LILRB4: variants seen among roughly 807,000 people sequenced by gnomAD.
The protein encoded by LILRB4 is leukocyte immunoglobulin-like receptor subfamily B member 4.
Under a neutral mutation model 55.2 loss-of-function variants are expected in LILRB4, and 49 were observed. That is an observed-to-expected ratio of 0.89 (90% confidence interval 0.71 to 1.13). LILRB4 has a LOEUF of 1.13. Among genes scored for constraint, LILRB4 ranks in the 50% most tolerant of loss-of-function variants. The pLI, the probability that LILRB4 is intolerant of heterozygous loss-of-function variation, is 0.00. For missense variants in LILRB4, 590 were observed against 555.2 expected (o/e 1.06, Z -0.63); for synonymous variants, 229 against 213.8 (o/e 1.07, Z -0.62).
exon 3 of LILRB4, chr19:54,663,957 T>C: frequency 1.2e-6 from 2 of 1,614,066 alleles, no homozygotes; most frequent in Non-Finnish European, 1.7e-6. Flanking sequence ...GACAGAGGAC[T>C]ATGCAGGGAG....
In LILRB4 at chr19:54,665,760, A is replaced by G; in HGVS notation, c.758-55A>G. 6 of 1,553,038 alleles carry G rather than the reference A, an allele frequency of 3.9e-6. No individual in the cohort carries two copies. Among genetic ancestry groups the G allele is most frequent in the Non-Finnish European group, 5.2e-6 (6 of 1,145,990 alleles). On this transcript the variant is annotated intron_variant, in intron 6 of 11. Transcript: ENST00000430952. This position sits in a 1 kb window ranked among gnomAD's most constrained non-coding sequence, Gnocchi z 5.5. ...CAGCACACACAGTAGGTGCACACACAGTAGGTGTGCACATCAATGACATCA... is the reference window on the plus strand; with the variant it reads ...CAGCACACACAGTAGGTGCACACACGGTAGGTGTGCACATCAATGACATCA...
rs2065277426 is a variant in LILRB4, at chr19:54,666,629, G to A, written c.989-68G>A. On this transcript the variant is annotated intron_variant, in intron 9 of 11. Transcript: ENST00000430952. The surrounding 1 kb of genome is among the most constrained non-coding windows in gnomAD (Gnocchi z 4.8). ...AGTGGCACTAATGGGAACAGGGCAG[G>A]GACCAGCAGGAATGAGAGGTCCCAG... is the stretch of plus-strand genomic sequence containing the variant. 5.8e-6 allele frequency: 9 copies of A among 1,547,710 alleles called. No homozygotes were observed. The highest frequency in any genetic ancestry group is 2.7e-5 in the African/African-American group (2 of 73,630).
chr19:54,663,941 A>T lies in LILRB4; in HGVS notation c.258A>T (p.Pro86=), dbSNP rs370654051. 1.9e-5 allele frequency: 31 copies of T among 1,614,126 alleles called. No homozygotes were observed. In the East Asian group the frequency reaches 6.7e-4, roughly 35 times the overall value. ...AGAACAAGGCCAGATTCTCCATCCC[A>T]TCCATGACAGAGGACTATGCAGGGA... The change falls in exon 3 of 12, where the codon CCA becomes CCT. Residue 86 remains proline (P), a synonymous_variant. Transcript: ENST00000430952.
intron 1 of LILRB4, 83 bp from the exon 2 acceptor site, chr19:54,663,449 A>AAAAAAAAAAAAAAAAAC (rs2065103981): frequency 7.1e-7 from 1 of 1,408,596 alleles, no homozygotes; most frequent in Non-Finnish European, 9.5e-7. Context: ...GTCTCAAAAA[A>AAAAAAAAAAAAAAAAAC]AAAAAAAAAA....
intron 1 of LILRB4, 106 bp downstream of exon 1, chr19:54,663,173 G>A (rs945003163): frequency 2.5e-5 from 34 of 1,341,380 alleles, no homozygotes; most frequent in Middle Eastern, 2.4e-4. Flanking sequence ...GTAGCCGGGC[G>A]CGGTGGCTCA....
chr19:54,666,229 T>A lies in LILRB4; in HGVS notation c.875-11T>A. On this transcript the variant is annotated splice_polypyrimidine_tract_variant and intron_variant, in intron 7 of 11. Transcript: ENST00000430952. The surrounding 1 kb of genome is among the most constrained non-coding windows in gnomAD (Gnocchi z 4.8). ...GTTCCCAGAGCTGAGACTCTGTCCA[T>A]CTTCCCCCAGCCCAGAGACAGGCTG... 6.3e-7 allele frequency: 1 copy of A among 1,581,410 alleles called. No individual in the cohort carries two copies. The highest frequency in any genetic ancestry group is 8.6e-7 in the Non-Finnish European group (1 of 1,165,448).
rs556924012 is a variant in LILRB4 at position 54,666,527 on chromosome 19, G to T, written c.988+91G>T. The T allele has an allele frequency of 3.0e-5, 46 of 1,519,896 alleles. No homozygotes were observed. Among genetic ancestry groups the T allele is most frequent in the Non-Finnish European group, 4.0e-5 (44 of 1,104,430 alleles). The allele number at this position is 1,519,896 out of a possible 1,614,324, so 94.2% of individuals were successfully genotyped here. ...GGGGGCAGGAGCACAGGCTAGGATT[G>T]GTCAGGGACTCAGGGAGAAGTGGTC... On this transcript the variant is annotated intron_variant, in intron 9 of 11. Transcript: ENST00000430952. This position sits in a 1 kb window ranked among gnomAD's most constrained non-coding sequence, Gnocchi z 4.8.
At position 54,666,396 on chromosome 19, in the gene LILRB4, C is replaced by T. The variant is rs375400015; in HGVS notation, c.951-3C>T. 1.2e-6 allele frequency: 2 copies of T among 1,614,000 alleles called. No individual in the cohort carries two copies. The highest frequency in any genetic ancestry group is 2.7e-5 in the African/African-American group (2 of 74,946). ...CCCCTTACACTCCCGTATCCTCCCC[C>T]AGGTCCAGCCCAGCTGCTGACGTCC... On this transcript the variant is annotated splice_polypyrimidine_tract_variant and splice_region_variant and intron_variant, in intron 8 of 11. Coordinates refer to ENST00000430952, the Ensembl canonical transcript of LILRB4. This position sits in a 1 kb window ranked among gnomAD's most constrained non-coding sequence, Gnocchi z 4.8.
chr19:54,666,251 G>C lies in LILRB4; in HGVS notation c.886G>C (p.Ala296Pro), dbSNP rs757247970. Residue 296 changes from alanine (A) to proline (P), a missense_variant, in exon 8 of 12, where the codon GCT becomes CCT. Ala to Pro is a conservative substitution (Grantham distance 27). Coordinates refer to ENST00000430952, the Ensembl canonical transcript of LILRB4. The surrounding 1 kb of genome is among the most constrained non-coding windows in gnomAD (Gnocchi z 4.8). ...CCATCTTCCCCCAGCCCAGAGACAG[G>C]CTGATTTCCAACGTCCTCCAGGGGC... is the stretch of plus-strand genomic sequence containing the variant. The C allele has an allele frequency of 6.2e-7, 1 of 1,603,730 alleles. No homozygotes were observed. Among genetic ancestry groups the C allele is most frequent in the Non-Finnish European group, 8.5e-7 (1 of 1,174,724 alleles).
At position 54,663,740 on chromosome 19, in the gene LILRB4, T is replaced by C. The variant is rs372798817; in HGVS notation, c.71-14T>C. 7 of 1,613,488 alleles carry C rather than the reference T, an allele frequency of 4.3e-6. No homozygotes were observed. Among genetic ancestry groups the C allele is most frequent in the African/African-American group, 2.7e-5 (2 of 74,884 alleles). ...GAGGAAGGTCTTGGGATCCAGCCTCTGATTTTCTTCCAGGGCCCCTCCCCA... is the reference window on the plus strand; with the variant it reads ...GAGGAAGGTCTTGGGATCCAGCCTCCGATTTTCTTCCAGGGCCCCTCCCCA... On this transcript the variant is annotated splice_polypyrimidine_tract_variant and intron_variant, in intron 2 of 11. Transcript: ENST00000430952.
exon 3 of LILRB4, chr19:54,664,004 A>G: frequency 6.2e-7 from 1 of 1,614,126 alleles, no homozygotes; most frequent in South Asian, 1.1e-5. Flanking sequence ...TAGGCTGGTC[A>G]CAGCCCAGTG....
Position 54,666,188 on chromosome 19 carries a change from G to A in LILRB4, c.875-52G>A. 2.7e-6 allele frequency: 4 copies of A among 1,500,940 alleles called. No homozygotes were observed. Among genetic ancestry groups the A allele is most frequent in the Non-Finnish European group, 3.6e-6 (4 of 1,113,032 alleles). The allele number at this position is 1,500,940 out of a possible 1,614,324, so 93.0% of individuals were successfully genotyped here. ...CTTTCCTCTTGACTTGCATGTGCAA[G>A]GCAGGTGGTTCTAACGTTCCCAGAG... On this transcript the variant is annotated intron_variant, in intron 7 of 11. Transcript: ENST00000430952. The surrounding 1 kb of genome is among the most constrained non-coding windows in gnomAD (Gnocchi z 4.8).
In LILRB4 at chr19:54,666,511, A is replaced by G. The variant is rs887502110; in HGVS notation, c.988+75A>G. ...AAATTTCAATAGCAATGGGGGCAGG[A>G]GCACAGGCTAGGATTGGTCAGGGAC... On this transcript the variant is annotated intron_variant, in intron 9 of 11. Coordinates refer to ENST00000430952, the Ensembl canonical transcript of LILRB4. This position sits in a 1 kb window ranked among gnomAD's most constrained non-coding sequence, Gnocchi z 4.8. 12 of 1,556,698 alleles carry G rather than the reference A, an allele frequency of 7.7e-6. No homozygotes were observed. Among genetic ancestry groups the G allele is most frequent in the South Asian group, 1.1e-5 (1 of 87,340 alleles).
Position 54,665,225 on chromosome 19 carries a change from G to T in LILRB4, c.757+45G>T. 6.5e-7 allele frequency: 1 copy of T among 1,550,186 alleles called. No individual in the cohort carries two copies. Among genetic ancestry groups the T allele is most frequent in the Non-Finnish European group, 8.7e-7 (1 of 1,143,204 alleles). ...TGGGAGGTGGGCAGGGTCTAGGGGA[G>T]CCAAGGGTGGGTTCTGTCCTAGGTT... is the stretch of plus-strand genomic sequence containing the variant. On this transcript the variant is annotated intron_variant, in intron 6 of 11. Coordinates refer to ENST00000430952, the Ensembl canonical transcript of LILRB4. This position sits in a 1 kb window ranked among gnomAD's most constrained non-coding sequence, Gnocchi z 5.5.
At chr19:54,664,325 G>A (rs2065165288) in exon 4 of LILRB4, 1 of 1,614,108 alleles carries the variant, frequency 6.2e-7, no homozygotes, top group African/African-American at 1.3e-5. Context: ...ATCCCCTACT[G>A]CATCTGAGAT....
rs1488154407 is a variant in LILRB4, at chr19:54,665,430, C to T, written c.757+250C>T. Among the ~76,000 whole-genome samples the T allele has an allele frequency of 6.6e-6, 1 of 152,000 alleles. No individual in the cohort carries two copies. Among genetic ancestry groups the T allele is most frequent in the African/African-American group, 2.4e-5 (1 of 41,390 alleles). On this transcript the variant is annotated intron_variant, in intron 6 of 11. Transcript: ENST00000430952. The surrounding 1 kb of genome is among the most constrained non-coding windows in gnomAD (Gnocchi z 5.5). The stretch of plus-strand genomic sequence containing the variant: ...CCTCCCAGACCCGATTCCGCAGGGG[C>T]CTGTCCGGTCCCACCTGCAGCAGAG...
At chr19:54,667,352 C>G (rs1229816961) in intron 10 of LILRB4, 3 of 624,064 alleles carry the variant, frequency 4.8e-6, no homozygotes, top group East Asian at 5.9e-5. Context: ...CTCTAATGGA[C>G]GAGCCCCTGC....
chr19:54,666,445 G>C lies in LILRB4; in HGVS notation c.988+9G>C. ...CCAGGGAGAAAACTTCTGTGAGTGA[G>C]AGGCAGAGAAGGTGCACCTGGGGTG... On this transcript the variant is annotated intron_variant, in intron 9 of 11. Transcript: ENST00000430952. This position sits in a 1 kb window ranked among gnomAD's most constrained non-coding sequence, Gnocchi z 4.8. The C allele has an allele frequency of 6.2e-7, 1 of 1,614,144 alleles. No homozygotes were observed. Among genetic ancestry groups the C allele is most frequent in the Non-Finnish European group, 8.5e-7 (1 of 1,179,968 alleles).
In LILRB4 at chr19:54,666,331, G is replaced by T; in HGVS notation, c.950+16G>T. On this transcript the variant is annotated intron_variant, in intron 8 of 11. Transcript: ENST00000430952. The surrounding 1 kb of genome is among the most constrained non-coding windows in gnomAD (Gnocchi z 4.8). ...TACAGAGGAGGTAATTCTGCCCAAA[G>T]ACCTCAGACTCCCACCCATCCCAAC... The T allele has an allele frequency of 2.5e-6, 4 of 1,609,278 alleles. No individual in the cohort carries two copies. The highest frequency in any genetic ancestry group is 1.7e-5 in the Admixed American group (1 of 59,316).
Sources: allele counts gnomAD v4.1 joint callset (sites outside exome capture counted in the v4.1 genomes callset), GRCh38; gene constraint gnomAD v4.1.1; non-coding constraint Gnocchi (gnomAD v3.1); transcripts MANE v1.5; gene names NCBI Gene and HGNC (gene_info 2026-07-23, HGNC 2026-07-21).